ADAMTSL1: variants seen among roughly 807,000 people sequenced by gnomAD.
The protein encoded by ADAMTSL1 is ADAMTS-like protein 1.
In ADAMTSL1, 126 loss-of-function variants were observed where a neutral mutation model predicts 201.8. The ratio of observed to expected loss-of-function variants is 0.62; its 90% CI spans 0.54 to 0.72. ADAMTSL1 has a LOEUF of 0.72. ADAMTSL1 is among the 30% of genes least tolerant of loss of function. The pLI, the probability that ADAMTSL1 is intolerant of heterozygous loss-of-function variation, is 0.00. For synonymous variants in ADAMTSL1, 1,121 were observed against 903.4 expected, an observed-to-expected ratio of 1.24 and a Z score of -4.32; for missense variants, 2,679 against 2,277.8, an observed-to-expected ratio of 1.18 and a Z score of -3.59.
chr9:18,624,680 C>G (rs1826244394), intron 5 of ADAMTSL1, among the ~76,000 whole-genome samples: 1 of 152,098 alleles, frequency 6.6e-6, no homozygotes, highest in South Asian at 2.1e-4. Context: ...TCCTCTTACC[C>G]TACTGTTAGG....
chr9:18,611,586 G>C lies in ADAMTSL1; in HGVS notation c.475-10657G>C, dbSNP rs569991750. Among the ~76,000 whole-genome samples, 3 of 152,274 alleles carry C rather than the reference G, an allele frequency of 2.0e-5. No individual in the cohort carries two copies. In the East Asian group the frequency reaches 5.8e-4, roughly 29 times the overall value. ...AATAAGACGAGAACACAATAAATCA[G>C]ACTGGGAGCACCTGAAGAGTTTTAA... On this transcript the variant is annotated intron_variant, in intron 4 of 28. Coordinates refer to ENST00000380548, the MANE Select transcript of ADAMTSL1 (RefSeq NM_001040272.6).
At chr9:18,026,367 T>A (rs1458564915) in intron 1 of ADAMTSL1, among the ~76,000 whole-genome samples, 1 of 152,046 alleles carries the variant, frequency 6.6e-6, no homozygotes, top group African/African-American at 2.4e-5. Flanking sequence ...TCATATTATT[T>A]TGAAGCATTT....
rs143007888 is a variant in ADAMTSL1, at chr9:18,037,814, G to A, written c.88-126048G>A. Among the ~76,000 whole-genome samples, 4 of 152,224 alleles carry A rather than the reference G, an allele frequency of 2.6e-5. 1 individual carries two copies. The highest frequency in any genetic ancestry group is 9.6e-5 in the African/African-American group (4 of 41,542). The stretch of plus-strand genomic sequence containing the variant: ...GAGAAATGCATCCTCTCCAAATACA[G>A]CGTGCAGAAATAGCATCTGAAGATT... On this transcript the variant is annotated intron_variant, in intron 1 of 29. Transcript: ENST00000680146.
chr9:18,071,748 G>A (rs1563982459), intron 1 of ADAMTSL1, among the ~76,000 whole-genome samples: 1 of 152,202 alleles, frequency 6.6e-6, no homozygotes. Context: ...GCTGAAGCAC[G>A]TGCCCATACC....
At chr9:18,635,854 G>A (rs1587757345) in intron 5 of ADAMTSL1, 89 bp from the exon 6 acceptor site, 1 of 1,071,502 alleles carries the variant, frequency 9.3e-7, no homozygotes, top group East Asian at 2.6e-5. Flanking sequence ...AGTTTTTAAG[G>A]TATGGAAGTC....
intron 9 of ADAMTSL1, among the ~76,000 whole-genome samples, chr9:18,673,631 C>G (rs951014046): frequency 1.3e-5 from 2 of 152,134 alleles, no homozygotes; most frequent in African/African-American, 4.8e-5. Flanking sequence ...GTGTTACTGC[C>G]TCCATTTTAA....
In ADAMTSL1 at chr9:18,152,391, C is replaced by G. The variant is rs536045545; in HGVS notation, c.88-11471C>G. On this transcript the variant is annotated intron_variant, in intron 1 of 29. Coordinates refer to the ADAMTSL1 transcript ENST00000680146. ...ATGAATGCAGGAAATATAGAACACG[C>G]CACATAAGAGCCATGGTTCCATGCA... 3.9e-5 allele frequency among the ~76,000 whole-genome samples: 6 copies of G among 152,112 alleles called. No homozygotes were observed. The South Asian group carries it at 1.2e-3, about 32-fold the overall frequency.
At chr9:18,208,702 T>C (rs1014148739) in intron 2 of ADAMTSL1, among the ~76,000 whole-genome samples, 1 of 152,060 alleles carries the variant, frequency 6.6e-6, no homozygotes. Context: ...AAGTGTGGAG[T>C]TGGGACTGTA....
intron 26 of ADAMTSL1, among the ~76,000 whole-genome samples, chr9:18,895,445 G>A (rs1414502131): frequency 6.8e-6 from 1 of 147,650 alleles, no homozygotes; most frequent in Admixed American, 6.9e-5. Flanking sequence ...CCCCCAATGT[G>A]GCATGGTTTT....
At chr9:18,908,209 C>T (rs1830420779) in intron 28 of ADAMTSL1, 1 of 549,128 alleles carries the variant, frequency 1.8e-6, no homozygotes, top group African/African-American at 1.9e-5. Context: ...AGGGAGGGGC[C>T]CCATCATTCA....
At chr9:17,930,072 T>C (rs1400137809) in intron 1 of ADAMTSL1, among the ~76,000 whole-genome samples, 2 of 152,200 alleles carry the variant, frequency 1.3e-5, no homozygotes, top group Non-Finnish European at 2.9e-5. Flanking sequence ...GCAGCACCTA[T>C]GTTCGTATGT....
intron 1 of ADAMTSL1, among the ~76,000 whole-genome samples, chr9:17,934,016 C>T (rs992017398): frequency 2.6e-5 from 4 of 152,132 alleles, no homozygotes; most frequent in Admixed American, 2.6e-4. Flanking sequence ...ACGGTATTAA[C>T]TTATCTGCTG....
At chr9:18,162,139 C>G (rs1183719446) in intron 1 of ADAMTSL1, among the ~76,000 whole-genome samples, 6 of 152,012 alleles carry the variant, frequency 3.9e-5, no homozygotes, top group Non-Finnish European at 8.8e-5. Context: ...CTGAAGATAA[C>G]AGTTCTCATC....
At chr9:18,117,714 G>A (rs1825315617) in intron 1 of ADAMTSL1, among the ~76,000 whole-genome samples, 1 of 152,050 alleles carries the variant, frequency 6.6e-6, no homozygotes, top group Admixed American at 6.6e-5. Flanking sequence ...TCAGGGGCAG[G>A]GGTCTTTGTT....
intron 1 of ADAMTSL1, among the ~76,000 whole-genome samples, chr9:17,971,021 T>G (rs1015519820): frequency 5.2e-4 from 79 of 152,096 alleles, no homozygotes; most frequent in Non-Finnish European, 5.6e-4. Flanking sequence ...TTGGTTATTG[T>G]TACATAAATA....
intron 3 of ADAMTSL1, among the ~76,000 whole-genome samples, chr9:18,534,074 G>A (rs1266398836): frequency 2.0e-5 from 3 of 152,084 alleles, no homozygotes; most frequent in Non-Finnish European, 2.9e-5. Flanking sequence ...TATTTTTGAG[G>A]TTATATCATA....
intron 2 of ADAMTSL1, among the ~76,000 whole-genome samples, chr9:18,392,792 T>C (rs1165847858): frequency 6.6e-6 from 1 of 152,242 alleles, no homozygotes; most frequent in Non-Finnish European, 1.5e-5. Flanking sequence ...TTCTTAATTA[T>C]GAGCCAGAGT....
intron 7 of ADAMTSL1, among the ~76,000 whole-genome samples, chr9:18,653,292 T>C (rs1191850612): frequency 6.6e-6 from 1 of 152,156 alleles, no homozygotes; most frequent in African/African-American, 2.4e-5. Flanking sequence ...TTTCCTGTCC[T>C]CCTCCTCCAT....
intron 2 of ADAMTSL1, among the ~76,000 whole-genome samples, chr9:18,178,945 C>T (rs1453853285): frequency 6.6e-6 from 1 of 152,092 alleles, no homozygotes; most frequent in Non-Finnish European, 1.5e-5. Context: ...AGCAGAAAAA[C>T]TGGAAACTCT....
Sources: gnomAD v4.1 joint callset for allele counts (sites outside exome capture counted in the v4.1 genomes callset) on GRCh38, gnomAD v4.1.1 for gene constraint, MANE v1.5 for transcripts, NCBI Gene and HGNC (gene_info 2026-07-23, HGNC 2026-07-21) for gene names.